Variants in FAT3 observed in about 807,000 individuals in gnomAD.
The protein encoded by FAT3 is FAT atypical cadherin 3.
FAT3 carries 95 observed loss-of-function variants against 310.2 expected under a neutral mutation model. The observed-to-expected ratio is 0.31, with a 90% CI of 0.26 to 0.36. The LOEUF is 0.36. Among genes scored for constraint, FAT3 ranks in the 10% least tolerant of loss-of-function variants. FAT3 has a pLI of 1.00. For synonymous variants in FAT3, 2,314 were observed against 2,192.9 expected, an observed-to-expected ratio of 1.06 and a Z score of -1.54; for missense variants, 5,408 against 5,715.6, an observed-to-expected ratio of 0.95 and a Z score of 1.74.
intron 1 of FAT3, among the ~76,000 whole-genome samples, chr11:92,301,171 G>A (rs1472912037): frequency 6.6e-6 from 1 of 152,108 alleles, no homozygotes; most frequent in Non-Finnish European, 1.5e-5. Context: ...ATAGTCAGCT[G>A]GGCTACACTC....
At position 92,889,177 on chromosome 11, in the gene FAT3, C is replaced by G; in HGVS notation, c.13052-12C>G. 1 of 710,332 alleles carries G rather than the reference C, an allele frequency of 1.4e-6. No individual in the cohort carries two copies. The highest frequency in any genetic ancestry group is 2.6e-6 in the Non-Finnish European group (1 of 381,950). 44.0% of individuals were successfully genotyped at this position (710,332 alleles called of 1,614,324 possible). A position where few individuals can be genotyped will look rare whatever the true frequency, so the allele number is the denominator to read the frequency against. Reference sequence around the variant, plus strand: ...CCTTCCCCTACCTCCGACTTCTTTTCCTGACCACAAGCCTCCATAGTGACT... The same window carrying G: ...CCTTCCCCTACCTCCGACTTCTTTTGCTGACCACAAGCCTCCATAGTGACT... On this transcript the variant is annotated splice_polypyrimidine_tract_variant and intron_variant, in intron 25 of 27. Transcript: ENST00000525166.
chr11:92,753,585 G>GA (rs1175060149), intron 4 of FAT3, among the ~76,000 whole-genome samples: 1 of 151,880 alleles, frequency 6.6e-6, no homozygotes, highest in African/African-American at 2.4e-5. Context: ...GGAGGATATG[G>GA]AAAAAAGGAA....
At chr11:92,649,326 T>C (rs1942284349) in intron 3 of FAT3, among the ~76,000 whole-genome samples, 2 of 152,180 alleles carry the variant, frequency 1.3e-5, no homozygotes. Context: ...TTGATGCTTG[T>C]CTTAGGGTTT....
chr11:92,519,240 A>C (rs749819657), intron 2 of FAT3, among the ~76,000 whole-genome samples: 1 of 152,166 alleles, frequency 6.6e-6, no homozygotes, highest in African/African-American at 2.4e-5. Context: ...AAATAGACCC[A>C]TACATGTAGC....
chr11:92,456,787 T>C (rs990200138), intron 2 of FAT3, among the ~76,000 whole-genome samples: 8 of 152,148 alleles, frequency 5.3e-5, no homozygotes, highest in African/African-American at 1.9e-4. Flanking sequence ...ATTCCATTGA[T>C]GAATGCACTG....
chr11:92,713,347 G>A (rs1944582683), intron 4 of FAT3, among the ~76,000 whole-genome samples: 1 of 152,168 alleles, frequency 6.6e-6, no homozygotes, highest in South Asian at 2.1e-4. Context: ...ACCAACTTGG[G>A]AAATTACATT....
At chr11:92,483,317 TTTC>T (rs1357705877) in intron 2 of FAT3, among the ~76,000 whole-genome samples, 5 of 152,034 alleles carry the variant, frequency 3.3e-5, no homozygotes, top group African/African-American at 1.2e-4. Flanking sequence ...TTATCTGTTA[TTTC>T]TTTTTTTTTT....
At chr11:92,267,268 G>A (rs1017416875) in intron 1 of FAT3, among the ~76,000 whole-genome samples, 1 of 152,176 alleles carries the variant, frequency 6.6e-6, no homozygotes, top group African/African-American at 2.4e-5. Context: ...TGGAAATGGT[G>A]TTGAGATTGC....
intron 13 of FAT3, among the ~76,000 whole-genome samples, chr11:92,812,390 G>A (rs1030237160): frequency 2.0e-5 from 3 of 151,970 alleles, no homozygotes; most frequent in Non-Finnish European, 2.9e-5. Context: ...TGACCAGCCC[G>A]GCCAATATGG....
chr11:92,600,750 G>A (rs1416107558), intron 3 of FAT3, among the ~76,000 whole-genome samples: 2 of 152,066 alleles, frequency 1.3e-5, no homozygotes, highest in Non-Finnish European at 2.9e-5. Context: ...TTCAGAGAGT[G>A]AAAACTCCTG....
intron 3 of FAT3, among the ~76,000 whole-genome samples, chr11:92,684,094 A>G (rs745376062): frequency 1.1e-4 from 17 of 152,324 alleles, no homozygotes; most frequent in Non-Finnish European, 2.1e-4. Context: ...CTCAGGCTCA[A>G]TGCACAGCCA....
intron 2 of FAT3, among the ~76,000 whole-genome samples, chr11:92,430,764 G>T (rs201182529): frequency 1.3e-5 from 1 of 75,078 alleles, no homozygotes; most frequent in South Asian, 5.7e-4. Flanking sequence ...TGCGATGTTT[G>T]GTTTTTTGTC....
At chr11:92,699,830 T>A (rs1314796646) in intron 4 of FAT3, among the ~76,000 whole-genome samples, 1 of 152,208 alleles carries the variant, frequency 6.6e-6, no homozygotes, top group Non-Finnish European at 1.5e-5. Flanking sequence ...AGGTGCTTAG[T>A]AAAGTGTGGT....
intron 3 of FAT3, among the ~76,000 whole-genome samples, chr11:92,623,479 C>T (rs896605636): frequency 5.3e-5 from 8 of 152,034 alleles, no homozygotes; most frequent in African/African-American, 1.7e-4. Flanking sequence ...TATGTCAACT[C>T]GAGTTTTTGT....
intron 3 of FAT3, among the ~76,000 whole-genome samples, chr11:92,649,545 C>T (rs1272794327): frequency 1.3e-5 from 2 of 152,146 alleles, no homozygotes; most frequent in Non-Finnish European, 2.9e-5. Flanking sequence ...TGGGTCCCTG[C>T]TCTGGATGTC....
chr11:92,596,850 T>A (rs1939735488), intron 3 of FAT3, among the ~76,000 whole-genome samples: 1 of 152,094 alleles, frequency 6.6e-6, no homozygotes, highest in African/African-American at 2.4e-5. Flanking sequence ...GTCCACCCAG[T>A]GTTACTAAGA....
chr11:92,295,826 A>G (rs1946833805), intron 1 of FAT3, among the ~76,000 whole-genome samples: 1 of 152,100 alleles, frequency 6.6e-6, no homozygotes, highest in Admixed American at 6.6e-5. Flanking sequence ...TGCACAATAG[A>G]ATCACCTTAG....
chr11:92,777,510 G>A (rs866450115), intron 7 of FAT3, among the ~76,000 whole-genome samples: 7 of 152,102 alleles, frequency 4.6e-5, no homozygotes, highest in Admixed American at 6.6e-5. Flanking sequence ...TGAACTAAAC[G>A]CAAGAACAAA....
chr11:92,565,444 A>T (rs1461447607), intron 3 of FAT3, among the ~76,000 whole-genome samples: 1 of 138,414 alleles, frequency 7.2e-6, no homozygotes, highest in African/African-American at 2.6e-5. Context: ...TCACAGCCGA[A>T]TTCTACCAGA....
Sources: allele counts gnomAD v4.1 joint callset (sites outside exome capture counted in the v4.1 genomes callset), GRCh38; gene constraint gnomAD v4.1.1; transcripts MANE v1.5; gene names NCBI Gene and HGNC (gene_info 2026-07-23, HGNC 2026-07-21).